Variants in ATP2B2 observed in about 807,000 individuals in gnomAD.
The protein encoded by ATP2B2 is ATPase plasma membrane Ca2+ transporting 2.
In ATP2B2, 15 loss-of-function variants were observed where a neutral mutation model predicts 120.0. The observed-to-expected ratio is 0.12, with a 90% CI of 0.08 to 0.19. The LOEUF (loss-of-function observed/expected upper bound fraction) is 0.19. Ranked by LOEUF, ATP2B2 falls within the 10% of genes least tolerant of loss-of-function variation. The pLI is 1.00. For synonymous variants in ATP2B2, 694 were observed against 700.3 expected, an observed-to-expected ratio of 0.99 and a Z score of 0.14; for missense variants, 1,045 against 1,719.8, an observed-to-expected ratio of 0.61 and a Z score of 6.94.
chr3:10,656,513 C>T (rs1431616363), intron 1 of ATP2B2, among the ~76,000 whole-genome samples: 14 of 152,182 alleles, frequency 9.2e-5, no homozygotes, highest in East Asian at 5.8e-4. Context: ...GGCCTTTCAC[C>T]ACCTCACCCT....
chr3:10,660,878 A>C (rs1292614972), intron 1 of ATP2B2, among the ~76,000 whole-genome samples: 2 of 152,220 alleles, frequency 1.3e-5, no homozygotes, highest in African/African-American at 4.8e-5. Flanking sequence ...ATCCAGCAGC[A>C]CATCAAAAAG....
chr3:10,676,544 A>C (rs951556103), intron 1 of ATP2B2, among the ~76,000 whole-genome samples: 2 of 151,816 alleles, frequency 1.3e-5, no homozygotes, highest in South Asian at 2.1e-4. Flanking sequence ...ACACACACAC[A>C]CCCTTGATGA....
At chr3:10,661,898 A>G (rs890230181) in intron 1 of ATP2B2, among the ~76,000 whole-genome samples, 6 of 152,210 alleles carry the variant, frequency 3.9e-5, no homozygotes, top group African/African-American at 1.4e-4. Flanking sequence ...GTACCAAAAG[A>G]GAGATATAGA....
intron 1 of ATP2B2, among the ~76,000 whole-genome samples, chr3:10,634,805 T>C (rs1260587542): frequency 6.6e-6 from 1 of 152,194 alleles, no homozygotes; most frequent in African/African-American, 2.4e-5. Context: ...CCTGTGAGCC[T>C]CCTGGCAGCC....
chr3:10,692,084 CAGAG>C (rs757946873), intron 1 of ATP2B2, among the ~76,000 whole-genome samples: 54 of 151,204 alleles, frequency 3.6e-4, no homozygotes, highest in Non-Finnish European at 7.4e-4. Context: ...TATATTAAAT[CAGAG>C]AGAGAGAGAG....
intron 1 of ATP2B2, among the ~76,000 whole-genome samples, chr3:10,494,392 G>A (rs2066057738): frequency 6.6e-6 from 1 of 152,154 alleles, no homozygotes; most frequent in Admixed American, 6.5e-5. Flanking sequence ...GGAGACTGAG[G>A]CACAGGAAGT....
chr3:10,705,275 G>A (rs543452423), intron 1 of ATP2B2, among the ~76,000 whole-genome samples: 3 of 152,318 alleles, frequency 2.0e-5, no homozygotes, highest in Non-Finnish European at 2.9e-5. Context: ...GACTCCTGCT[G>A]TTTCAGACCT....
chr3:10,420,486 C>A (rs1237436354), intron 2 of ATP2B2, among the ~76,000 whole-genome samples: 1 of 152,186 alleles, frequency 6.6e-6, no homozygotes, highest in East Asian at 1.9e-4. Flanking sequence ...CTCGGCCCCC[C>A]GAGTAGCTGG....
intron 1 of ATP2B2, among the ~76,000 whole-genome samples, chr3:10,633,339 A>AAT (rs1160919134): frequency 6.6e-6 from 1 of 152,228 alleles, no homozygotes; most frequent in Admixed American, 6.5e-5. Flanking sequence ...CCACTGATGC[A>AAT]ATAACAGCAG....
At chr3:10,408,581 G>C (rs1575144633) in intron 3 of ATP2B2, among the ~76,000 whole-genome samples, 1 of 152,244 alleles carries the variant, frequency 6.6e-6, no homozygotes. Context: ...GCCAGAGGCA[G>C]GGAAGAGCCT....
intron 2 of ATP2B2, among the ~76,000 whole-genome samples, chr3:10,573,822 A>C (rs898118866): frequency 7.9e-5 from 12 of 152,128 alleles, no homozygotes; most frequent in African/African-American, 2.7e-4. Flanking sequence ...GACTAAACTC[A>C]TCTAAAAAGA....
intron 1 of ATP2B2, among the ~76,000 whole-genome samples, chr3:10,681,892 G>A (rs977078721): frequency 2.0e-5 from 3 of 152,194 alleles, no homozygotes; most frequent in Non-Finnish European, 2.9e-5. Context: ...TTGCAATTTG[G>A]TATAGAGAAT....
intron 1 of ATP2B2, among the ~76,000 whole-genome samples, chr3:10,486,461 C>T (rs1222318940): frequency 1.3e-5 from 2 of 152,060 alleles, no homozygotes; most frequent in African/African-American, 4.8e-5. Flanking sequence ...ACTTCTTCCA[C>T]ATCATCTACC....
intron 1 of ATP2B2, among the ~76,000 whole-genome samples, chr3:10,460,375 G>C (rs1015618980): frequency 6.6e-6 from 1 of 152,190 alleles, no homozygotes; most frequent in Non-Finnish European, 1.5e-5. Context: ...GGGTGTTAAG[G>C]ACAACATGTG....
intron 1 of ATP2B2, chr3:10,626,365 A>T (rs1322577801): frequency 1.3e-5 from 2 of 152,228 alleles, no homozygotes; most frequent in African/African-American, 4.8e-5. Context: ...AGCAGGGGGA[A>T]ATGTGGGCTC....
At chr3:10,691,814 A>C (rs2071668398) in intron 1 of ATP2B2, among the ~76,000 whole-genome samples, 1 of 152,204 alleles carries the variant, frequency 6.6e-6, no homozygotes, top group African/African-American at 2.4e-5. Flanking sequence ...ATGATCCATG[A>C]ACACCATATT....
intron 1 of ATP2B2, among the ~76,000 whole-genome samples, chr3:10,476,812 C>G (rs2065221636): frequency 6.6e-6 from 1 of 152,216 alleles, no homozygotes; most frequent in African/African-American, 2.4e-5. Flanking sequence ...TATGACAGAG[C>G]TGGGCAGAGA....
chr3:10,440,922 T>C (rs1043203243), intron 2 of ATP2B2, among the ~76,000 whole-genome samples: 5 of 152,212 alleles, frequency 3.3e-5, no homozygotes, highest in Admixed American at 6.5e-5. Context: ...GTGAAGATTA[T>C]AGGAGAAAAT....
intron 5 of ATP2B2, among the ~76,000 whole-genome samples, chr3:10,391,425 G>C (rs909512354): frequency 2.6e-5 from 4 of 152,192 alleles, no homozygotes; most frequent in African/African-American, 7.2e-5. Flanking sequence ...CAACCAAGAG[G>C]CTGCTCCCCA....
Sources: allele counts gnomAD v4.1 joint callset (sites outside exome capture counted in the v4.1 genomes callset), GRCh38; gene constraint gnomAD v4.1.1; transcripts MANE v1.5; gene names NCBI Gene and HGNC (gene_info 2026-07-23, HGNC 2026-07-21).